The following AOX1 variants were observed in gnomAD, a reference collection of about 807,000 sequenced individuals.
AOX1 encodes the protein aldehyde oxidase.
In AOX1, 153 loss-of-function variants were observed where a neutral mutation model predicts 169.5. The ratio of observed to expected loss-of-function variants is 0.90; its 90% CI spans 0.79 to 1.03. The LOEUF (loss-of-function observed/expected upper bound fraction) is 1.03. Among genes scored for constraint, AOX1 ranks in the 50% least tolerant of loss-of-function variants. AOX1 has a pLI of 0.00. For missense variants in AOX1, 1,656 were observed against 1,663.9 expected (o/e 1.00, Z 0.08); for synonymous variants, 562 against 581.9 (o/e 0.97, Z 0.49).
At chr2:200,663,467 G>A (rs2035865427) in intron 31 of AOX1, among the ~76,000 whole-genome samples, 1 of 151,828 alleles carries the variant, frequency 6.6e-6, no homozygotes, top group South Asian at 2.1e-4. Context: ...AGCTGGCTTG[G>A]TCTTGCTTTT....
chr2:200,601,792 AC>A (rs1481152396), intron 5 of AOX1, among the ~76,000 whole-genome samples: 2 of 151,774 alleles, frequency 1.3e-5, no homozygotes, highest in Non-Finnish European at 2.9e-5. Flanking sequence ...AATTAGCCTG[AC>A]CTGGTGGTGC....
At chr2:200,604,884 A>ATT in intron 9 of AOX1, 44 bp downstream of exon 9, 1 of 852,742 alleles carries the variant, frequency 1.2e-6, no homozygotes, top group Non-Finnish European at 1.8e-6. Context: ...ATTGAGAAAA[A>ATT]GGGCTTGGGA....
Position 200,586,084 on chromosome 2 carries a change from C to T in AOX1, c.-25C>T. 1.3e-6 allele frequency: 2 copies of T among 1,551,190 alleles called. No individual in the cohort carries two copies. The highest frequency in any genetic ancestry group is 1.2e-5 in the South Asian group (1 of 84,078). On this transcript the variant is annotated 5_prime_UTR_variant, in exon 1 of 35. Transcript: ENST00000374700. ...CAGAACCTCCGCCTCCCGCTCCGGG[C>T]CCTCGAACCAGCGCGGACACCACAA...
intron 14 of AOX1, among the ~76,000 whole-genome samples, chr2:200,613,040 G>GAGAGAA (rs1307289355): frequency 1.3e-5 from 2 of 151,528 alleles, no homozygotes; most frequent in Non-Finnish European, 2.9e-5. Context: ...GAGAGAGAGA[G>GAGAGAA]AGAGACAGAC....
At chr2:200,640,009 C>A (rs78108343) in intron 23 of AOX1, among the ~76,000 whole-genome samples, 17,953 of 149,164 alleles carry the variant, frequency 0.12, 1,251 homozygotes, top group Non-Finnish European at 0.16. Flanking sequence ...TGCACTCCAG[C>A]CCGGGTGACA....
intron 31 of AOX1, among the ~76,000 whole-genome samples, chr2:200,665,275 C>T (rs1218304763): frequency 6.6e-6 from 1 of 152,188 alleles, no homozygotes; most frequent in South Asian, 2.1e-4. Context: ...AACAGGCTGG[C>T]CTGGTAGAGT....
intron 16 of AOX1, among the ~76,000 whole-genome samples, chr2:200,619,327 G>A (rs2034833510): frequency 6.6e-6 from 1 of 152,132 alleles, no homozygotes; most frequent in South Asian, 2.1e-4. Flanking sequence ...GGTGTCCATA[G>A]CTTTTCTCTG....
chr2:200,594,907 G>C (rs1224773813), intron 2 of AOX1, among the ~76,000 whole-genome samples: 1 of 152,192 alleles, frequency 6.6e-6, no homozygotes, highest in African/African-American at 2.4e-5. Context: ...TTAATATTTT[G>C]CTTTGTGTCA....
Position 200,636,117 on chromosome 2 carries a change from CTTTTTTTT to C in AOX1, c.2347-772_2347-765del, listed in dbSNP as rs765127387. 7.5e-3 allele frequency among the ~76,000 whole-genome samples: 405 copies of C among 53,944 alleles called. 1 individual carries two copies. The highest frequency in any genetic ancestry group is 0.01 in the Non-Finnish European group (310 of 30,252). The allele number at this position is 53,944 out of a possible 152,430, so 35.4% of individuals were successfully genotyped here. A position where few individuals can be genotyped will look rare whatever the true frequency, so the allele number is the denominator to read the frequency against. The stretch of plus-strand genomic sequence containing the variant: ...CAATCCAAGCAAGAAGTGAGAAGTG[CTTTTTTTT>C]TTTTTTTTTTTTTTTTTTTTTGAGA... On this transcript the variant is annotated intron_variant, in intron 21 of 34. Transcript: ENST00000374700.
chr2:200,653,769 A>G (rs1395962182), intron 26 of AOX1, among the ~76,000 whole-genome samples: 3 of 152,224 alleles, frequency 2.0e-5, no homozygotes, highest in Non-Finnish European at 4.4e-5. Context: ...TGCTTCAAGC[A>G]AGTCTATTGG....
chr2:200,625,542 T>G (rs1256960978), intron 19 of AOX1, among the ~76,000 whole-genome samples: 1 of 152,228 alleles, frequency 6.6e-6, no homozygotes, highest in African/African-American at 2.4e-5. Flanking sequence ...GTTCAGAGAT[T>G]AAGCTCTCAA....
At chr2:200,659,882 T>C (rs1253513054) in intron 28 of AOX1, 113 bp from the exon 29 acceptor site, 2 of 815,884 alleles carry the variant, frequency 2.5e-6, no homozygotes, top group Non-Finnish European at 3.9e-6. Context: ...TGGTGTCTTA[T>C]TTTTCCATGT....
chr2:200,653,271 G>A (rs1559256617), intron 26 of AOX1, among the ~76,000 whole-genome samples: 1 of 152,208 alleles, frequency 6.6e-6, no homozygotes, highest in Non-Finnish European at 1.5e-5. Context: ...CAACTTACGT[G>A]CTGAAAATAT....
intron 16 of AOX1, among the ~76,000 whole-genome samples, chr2:200,617,914 C>T (rs1300043437): frequency 6.6e-6 from 1 of 152,226 alleles, no homozygotes; most frequent in East Asian, 1.9e-4. Context: ...GGTAGAACCT[C>T]ATTGTTGGTT....
intron 20 of AOX1, among the ~76,000 whole-genome samples, chr2:200,631,865 TTAGAC>T (rs1443788287): frequency 6.6e-6 from 1 of 152,224 alleles, no homozygotes; most frequent in East Asian, 1.9e-4. Flanking sequence ...ACATGGGTCT[TTAGAC>T]TATTTGATAA....
intron 16 of AOX1, among the ~76,000 whole-genome samples, chr2:200,616,420 A>G (rs923431733): frequency 2.6e-5 from 4 of 152,256 alleles, no homozygotes; most frequent in Non-Finnish European, 5.9e-5. Context: ...CGGCAAGGCC[A>G]TGGGCTGCTT....
chr2:200,607,808 TC>T (rs1373066926), intron 10 of AOX1, among the ~76,000 whole-genome samples: 2 of 152,180 alleles, frequency 1.3e-5, no homozygotes, highest in Non-Finnish European at 2.9e-5. Context: ...TGAGATCATG[TC>T]CTTTGCAGGG....
At chr2:200,609,242 C>A in intron 11 of AOX1, 79 bp from the exon 12 acceptor site, 1 of 1,589,990 alleles carries the variant, frequency 6.3e-7, no homozygotes, top group Non-Finnish European at 8.6e-7. Flanking sequence ...AATAGTTCTC[C>A]AAAGCCTTGC....
intron 4 of AOX1, among the ~76,000 whole-genome samples, chr2:200,676,534 A>C (rs1318674519): frequency 6.6e-6 from 1 of 150,520 alleles, no homozygotes; most frequent in Non-Finnish European, 1.5e-5. Context: ...CAGGAGGCAG[A>C]GATTGCAGTG....
Sources: allele counts gnomAD v4.1 joint callset (sites outside exome capture counted in the v4.1 genomes callset), GRCh38; gene constraint gnomAD v4.1.1; transcripts MANE v1.5; gene names NCBI Gene and HGNC (gene_info 2026-07-23, HGNC 2026-07-21).